The following TMEM87B variants were observed in gnomAD, a reference collection of about 807,000 sequenced individuals.
TMEM87B encodes transmembrane protein 87B.
TMEM87B carries 83 observed loss-of-function variants against 80.3 expected under a neutral mutation model. The ratio of observed to expected loss-of-function variants is 1.03; its 90% CI spans 0.87 to 1.24. TMEM87B has a LOEUF of 1.24. Ranked by LOEUF, TMEM87B falls within the 50% of genes most tolerant of loss-of-function variation. The pLI, the probability that TMEM87B is intolerant of heterozygous loss-of-function variation, is 0.00. For missense variants in TMEM87B, 625 were observed against 674.4 expected (o/e 0.93, Z 0.81); for synonymous variants, 219 against 230.5 (o/e 0.95, Z 0.45).
intron 4 of TMEM87B, among the ~76,000 whole-genome samples, chr2:112,070,807 G>A (rs1013110072): frequency 1.1e-4 from 16 of 151,972 alleles, no homozygotes; most frequent in African/African-American, 3.4e-4. Context: ...ATATCCATGA[G>A]CATGGAACAT....
chr2:112,108,534 G>A (rs781022677), intron 17 of TMEM87B, among the ~76,000 whole-genome samples: 3 of 152,098 alleles, frequency 2.0e-5, no homozygotes, highest in African/African-American at 7.2e-5. Flanking sequence ...AGAAATTTTT[G>A]TGGGAATAGA....
intron 8 of TMEM87B, among the ~76,000 whole-genome samples, chr2:112,083,239 A>G (rs540546139): frequency 7.2e-5 from 11 of 152,362 alleles, no homozygotes; most frequent in Middle Eastern, 3.4e-3. Context: ...TCTTCAAGGC[A>G]TTTGACAAGG....
At chr2:112,060,479 A>T (rs889146257) in intron 2 of TMEM87B, among the ~76,000 whole-genome samples, 1 of 152,158 alleles carries the variant, frequency 6.6e-6, no homozygotes, top group Non-Finnish European at 1.5e-5. Flanking sequence ...AAGTAGTTCT[A>T]ACATTTTAAG....
chr2:112,111,318 C>CCTA (rs1679911205), intron 17 of TMEM87B, among the ~76,000 whole-genome samples: 1 of 152,168 alleles, frequency 6.6e-6, no homozygotes. Context: ...AGGCTTACCT[C>CCTA]CTACTGTGCC....
chr2:112,070,016 T>C (rs1254983409), intron 4 of TMEM87B, among the ~76,000 whole-genome samples: 1 of 152,138 alleles, frequency 6.6e-6, no homozygotes, highest in African/African-American at 2.4e-5. Flanking sequence ...TTTTTAATTT[T>C]TTTTTGTTTT....
chr2:112,086,075 C>G lies in TMEM87B; in HGVS notation c.909C>G (p.Ile303Met), dbSNP rs1291077878. Residue 303 changes from isoleucine to methionine, a missense_variant, in exon 9 of 19, where the codon ATC becomes ATG. Coordinates refer to ENST00000283206, the MANE Select transcript of TMEM87B (RefSeq NM_032824.3). ...IKRTLARLLV[I>M]IVSLGYGIVK... The stretch of plus-strand genomic sequence containing the variant: ...GGACGTTGGCTCGCCTTCTCGTGAT[C>G]ATTGTGAGCCTGGGCTATGGCATTG... 1 of 1,614,052 alleles carries G rather than the reference C, an allele frequency of 6.2e-7. No homozygotes were observed. Among genetic ancestry groups the G allele is most frequent in the African/African-American group, 1.3e-5 (1 of 74,938 alleles).
rs537453112 is a variant in TMEM87B, at chr2:112,072,703, C to A, written c.451-2209C>A. On this transcript the variant is annotated intron_variant, in intron 4 of 18. Coordinates refer to ENST00000283206, the MANE Select transcript of TMEM87B (RefSeq NM_032824.3). ...CCTAGCAGTCTATCTGATTAATTTT[C>A]TCAAAAAAACAGCTTCTGGATTCAT... 3.0e-3 allele frequency among the ~76,000 whole-genome samples: 449 copies of A among 151,620 alleles called. 4 individuals carry two copies. Among genetic ancestry groups the A allele is most frequent in the African/African-American group, 0.01 (433 of 41,376 alleles).
chr2:112,111,910 G>A (rs1312954514), intron 17 of TMEM87B, among the ~76,000 whole-genome samples: 3 of 152,182 alleles, frequency 2.0e-5, no homozygotes, highest in African/African-American at 7.2e-5. Flanking sequence ...TCATAGCAGG[G>A]ACCGTTGTTG....
intron 8 of TMEM87B, among the ~76,000 whole-genome samples, chr2:112,085,719 A>G (rs1198309892): frequency 6.6e-6 from 1 of 152,244 alleles, no homozygotes; most frequent in Non-Finnish European, 1.5e-5. Context: ...AGAGTTCTGT[A>G]AAGAGCAAGA....
At chr2:112,105,976 A>T in intron 15 of TMEM87B, 26 bp from the exon 16 acceptor site, 1 of 1,467,202 alleles carries the variant, frequency 6.8e-7, no homozygotes, top group Non-Finnish European at 9.2e-7. Flanking sequence ...GTGATTTTAT[A>T]TATATGTTTA....
intron 4 of TMEM87B, among the ~76,000 whole-genome samples, chr2:112,071,208 A>AC (rs1467900581): frequency 2.6e-5 from 4 of 151,328 alleles, no homozygotes; most frequent in South Asian, 4.2e-4. Flanking sequence ...GAGTTCATTC[A>AC]CCCCCTTGGT....
chr2:112,058,382 G>T (rs546032263), intron 1 of TMEM87B, among the ~76,000 whole-genome samples: 1 of 152,314 alleles, frequency 6.6e-6, no homozygotes, highest in East Asian at 1.9e-4. Flanking sequence ...AGGACTGGAG[G>T]GGGTAGTGAG....
Position 112,055,476 on chromosome 2 carries a change from C to G in TMEM87B, c.-116C>G. ...CAGGCCCAAGCGCGAGCCCCTCCTCCACACCCGAGTCCGAGCCCCGCGTCC... is the reference window on the plus strand; with the variant it reads ...CAGGCCCAAGCGCGAGCCCCTCCTCGACACCCGAGTCCGAGCCCCGCGTCC... On this transcript the variant is annotated 5_prime_UTR_variant, in exon 1 of 19. Transcript: ENST00000283206. 1 of 1,250,486 alleles carries G rather than the reference C, an allele frequency of 8.0e-7. No individual in the cohort carries two copies. Among genetic ancestry groups the G allele is most frequent in the Non-Finnish European group, 1.0e-6 (1 of 954,748 alleles). The allele number at this position is 1,250,486 out of a possible 1,614,324, so 77.5% of individuals were successfully genotyped here.
chr2:112,088,236 G>A (rs181052049), intron 9 of TMEM87B, among the ~76,000 whole-genome samples: 30 of 152,330 alleles, frequency 2.0e-4, no homozygotes, highest in Non-Finnish European at 2.9e-4. Context: ...CTCTTGTTGA[G>A]GAATCTTGCA....
chr2:112,097,124 TA>T lies in TMEM87B; in HGVS notation c.1190del (p.Asn397IlefsTer3). ...TGAAATTTTCATTATATAGACATTT[TA>T]AAAATACTCTGATCTTTGCTGTGCT... ...TVKFSLYRHF[K>X]NTLIFAVLAS... On this transcript the variant is annotated frameshift_variant, in exon 12 of 19. Coordinates refer to ENST00000283206, the MANE Select transcript of TMEM87B (RefSeq NM_032824.3). LOFTEE classifies it high-confidence loss of function. 2 of 1,609,274 alleles carry T rather than the reference TA, an allele frequency of 1.2e-6. No homozygotes were observed. Among genetic ancestry groups the T allele is most frequent in the Non-Finnish European group, 1.7e-6 (2 of 1,178,386 alleles).
chr2:112,074,879 G>A, intron 4 of TMEM87B, 33 bp from the exon 5 acceptor site: 1 of 1,533,018 alleles, frequency 6.5e-7, no homozygotes. Context: ...AAATGCAGCA[G>A]TATAAAATGG....
chr2:112,107,958 C>A, intron 17 of TMEM87B, 118 bp downstream of exon 17: 1 of 543,278 alleles, frequency 1.8e-6, no homozygotes. Context: ...TTGGGTAAGC[C>A]CCTATCACCA....
chr2:112,070,231 TG>T (rs1321741187), intron 4 of TMEM87B, among the ~76,000 whole-genome samples: 4 of 152,196 alleles, frequency 2.6e-5, no homozygotes, highest in African/African-American at 9.7e-5. Context: ...TTGGCAACTT[TG>T]TCATGAAATC....
At position 112,106,066 on chromosome 2, in the gene TMEM87B, T is replaced by C; in HGVS notation, c.1515T>C (p.Ser505=). The change falls in exon 16 of 19, where the codon TCT becomes TCC. Residue 505 remains serine (S), a synonymous_variant. Coordinates refer to ENST00000283206, the MANE Select transcript of TMEM87B (RefSeq NM_032824.3). The part of the protein sequence containing the change: ...VSNGTAKPAT[S]ENFDEDLKWV... ...ATGGAACAGCTAAGCCTGCCACTTC[T>C]GAGAACTTTGTGAGTATGGTATATA... 6.4e-7 allele frequency: 1 copy of C among 1,557,472 alleles called. No homozygotes were observed. Among genetic ancestry groups the C allele is most frequent in the Non-Finnish European group, 8.6e-7 (1 of 1,158,314 alleles).
Sources: allele counts gnomAD v4.1 joint callset (sites outside exome capture counted in the v4.1 genomes callset), GRCh38; gene constraint gnomAD v4.1.1; transcripts MANE v1.5; gene names NCBI Gene and HGNC (gene_info 2026-07-23, HGNC 2026-07-21).